RFX7: variants seen among roughly 807,000 people sequenced by gnomAD.
The protein encoded by RFX7 is regulatory factor X7.
RFX7 carries 26 observed loss-of-function variants against 111.8 expected under a neutral mutation model. The ratio of observed to expected loss-of-function variants is 0.23; its 90% CI spans 0.17 to 0.32. RFX7 has a LOEUF of 0.32. Ranked by LOEUF, RFX7 falls within the 10% of genes least tolerant of loss-of-function variation. The pLI is 1.00. For synonymous variants in RFX7, 624 were observed against 624.4 expected, an observed-to-expected ratio of 1.00 and a Z score of 0.01; for missense variants, 1,573 against 1,772.9, an observed-to-expected ratio of 0.89 and a Z score of 2.02.
At chr15:56,196,665 C>A (rs2043148541) in intron 2 of RFX7, among the ~76,000 whole-genome samples, 1 of 151,988 alleles carries the variant, frequency 6.6e-6, no homozygotes, top group Non-Finnish European at 1.5e-5. Context: ...TGATCTTCGA[C>A]CTCAAGCCAC....
chr15:56,157,805 C>T (rs533357860), intron 3 of RFX7, among the ~76,000 whole-genome samples: 1 of 152,288 alleles, frequency 6.6e-6, no homozygotes, highest in East Asian at 1.9e-4. Flanking sequence ...GTCTTGAACT[C>T]CTGACCTCAA....
chr15:56,240,472 G>C (rs1371577801), intron 2 of RFX7, among the ~76,000 whole-genome samples: 1 of 151,884 alleles, frequency 6.6e-6, no homozygotes, highest in Admixed American at 6.6e-5. Context: ...ATATTTCAAT[G>C]CACATACTTT....
chr15:56,127,512 GA>G (rs1383147231), intron 5 of RFX7, among the ~76,000 whole-genome samples: 5 of 145,980 alleles, frequency 3.4e-5, no homozygotes, highest in African/African-American at 1.2e-4. Context: ...AAAAACATTA[GA>G]AAAAAAAGTA....
chr15:56,242,966 A>C (rs1461018267), intron 2 of RFX7, among the ~76,000 whole-genome samples, 159 bp downstream of exon 2: 2 of 152,128 alleles, frequency 1.3e-5, no homozygotes, highest in African/African-American at 4.8e-5. Flanking sequence ...AAGTCCGCAC[A>C]CCTCCAGAGA....
At chr15:56,192,667 C>G (rs1729053839) in intron 2 of RFX7, 3 of 213,146 alleles carry the variant, frequency 1.4e-5, no homozygotes, top group South Asian at 1.8e-4. Context: ...TTGCAAGGAA[C>G]AGGATGCTTT....
intron 3 of RFX7, among the ~76,000 whole-genome samples, chr15:56,155,315 G>A (rs1302802001): frequency 3.3e-5 from 5 of 152,086 alleles, no homozygotes; most frequent in South Asian, 2.1e-4. Context: ...ACATGCACAC[G>A]TATGTTTATT....
At chr15:56,172,702 T>C (rs1475400783) in intron 3 of RFX7, among the ~76,000 whole-genome samples, 1 of 152,212 alleles carries the variant, frequency 6.6e-6, no homozygotes, top group African/African-American at 2.4e-5. Flanking sequence ...CAAGATCATT[T>C]ACCGGCAGCA....
At chr15:56,101,928 T>C (rs1425717636) in intron 7 of RFX7, among the ~76,000 whole-genome samples, 18 of 152,220 alleles carry the variant, frequency 1.2e-4, no homozygotes, top group Admixed American at 1.0e-3. Context: ...TACACACATA[T>C]AGTCAATATG....
At chr15:56,173,623 C>G (rs1325730462) in intron 3 of RFX7, among the ~76,000 whole-genome samples, 10 of 150,538 alleles carry the variant, frequency 6.6e-5, no homozygotes, top group African/African-American at 2.4e-4. Context: ...TCTACTAAAA[C>G]TACAAAAAAT....
At chr15:56,186,716 G>A (rs1390986886) in intron 2 of RFX7, among the ~76,000 whole-genome samples, 12 of 151,974 alleles carry the variant, frequency 7.9e-5, no homozygotes, top group African/African-American at 2.4e-4. Flanking sequence ...ACATATATGT[G>A]TGTATAATAA....
intron 2 of RFX7, among the ~76,000 whole-genome samples, chr15:56,217,418 C>CTTTTTTTTTTTT (rs768315071): frequency 7.0e-6 from 1 of 143,660 alleles, no homozygotes. Context: ...GCTGTTACAA[C>CTTTTTTTTTTTT]TTTTTTTTTT....
intron 5 of RFX7, among the ~76,000 whole-genome samples, chr15:56,124,516 C>T (rs57894088): frequency 0.027 from 4,070 of 152,176 alleles, 174 homozygotes; most frequent in African/African-American, 0.092. Flanking sequence ...TTTGCATCCT[C>T]TCCAGCATTT....
intron 5 of RFX7, among the ~76,000 whole-genome samples, chr15:56,111,410 G>A (rs2041928987): frequency 6.6e-6 from 1 of 151,462 alleles, no homozygotes; most frequent in African/African-American, 2.4e-5. Flanking sequence ...GATTAAGGGC[G>A]GTGCAAGATG....
chr15:56,202,390 T>C (rs2043201544), intron 2 of RFX7, among the ~76,000 whole-genome samples: 1 of 152,248 alleles, frequency 6.6e-6, no homozygotes. Context: ...GTGTATTTTA[T>C]ACTTACAACA....
chr15:56,131,306 T>C (rs1279678159), intron 5 of RFX7, among the ~76,000 whole-genome samples: 1 of 140,282 alleles, frequency 7.1e-6, no homozygotes, highest in Non-Finnish European at 1.5e-5. Flanking sequence ...TGAGACAGGA[T>C]CTCACTCTGT....
intron 6 of RFX7, among the ~76,000 whole-genome samples, chr15:56,103,062 G>A (rs1757915500): frequency 6.6e-6 from 1 of 151,540 alleles, no homozygotes; most frequent in African/African-American, 2.4e-5. Flanking sequence ...TTTTAATATG[G>A]GCTTTAAATG....
At position 56,094,198 on chromosome 15, in the gene RFX7, A is replaced by C; in HGVS notation, c.3530T>G (p.Leu1177Arg). The change falls in exon 10 of 10, where the codon CTT becomes CGT. Residue 1177 changes from leucine to arginine, a missense_variant. By Grantham distance (102) the Leu-to-Arg change is moderately radical. Transcript: ENST00000559447. ...VSPAVHRQRNLSGSTLYPVSN... is the reference protein window; with the variant it reads ...VSPAVHRQRNRSGSTLYPVSN... ...TACTGGATAGAGGGTGCTTCCACTA[A>C]GATTACGTTGGCGATGAACAGCAGG... 6.2e-7 allele frequency: 1 copy of C among 1,613,946 alleles called. No homozygotes were observed.
At position 56,098,367 on chromosome 15, in the gene RFX7, C is replaced by T. The variant is rs2041710559; in HGVS notation, c.821G>A (p.Gly274Glu). ...TATAAAAGCAGAAGGCTGGGTAATT[C>T]CTTTCATTCCTGAAAATAAACAGAA... Reference protein sequence around the residue: ...VMAAAPAGMKGITQPSAFIPT... With the variant: ...VMAAAPAGMKEITQPSAFIPT... Residue 274 changes from glycine to glutamate, a missense_variant, in exon 9 of 10, where the codon GGA becomes GAA. Gly to Glu is a moderately conservative substitution (Grantham distance 98, BLOSUM62 -2). Around this residue, in one of 7 missense-constraint regions of RFX7, gnomAD observed 288 missense variants for 337.9 expected, o/e 0.85. Transcript: ENST00000559447. 6.3e-7 allele frequency: 1 copy of T among 1,589,506 alleles called. No individual in the cohort carries two copies. The highest frequency in any genetic ancestry group is 1.8e-5 in the Admixed American group (1 of 54,842).
chr15:56,110,266 T>TGG (rs1260734555), intron 5 of RFX7, among the ~76,000 whole-genome samples: 2 of 14,692 alleles, frequency 1.4e-4, no homozygotes, highest in African/African-American at 5.5e-4. Flanking sequence ...GGGAGGGAGG[T>TGG]GGGGGGGGGT....
Sources: allele counts gnomAD v4.1 joint callset (sites outside exome capture counted in the v4.1 genomes callset), GRCh38; gene constraint gnomAD v4.1.1; regional missense constraint gnomAD v4.1.1; transcripts MANE v1.5; gene names NCBI Gene and HGNC (gene_info 2026-07-23, HGNC 2026-07-21).